The following PLB1 variants were observed in gnomAD, a reference collection of about 807,000 sequenced individuals.
PLB1 encodes the protein phospholipase B1.
In PLB1, 242 loss-of-function variants were observed where a neutral mutation model predicts 227.4. The ratio of observed to expected loss-of-function variants is 1.06; its 90% CI spans 0.96 to 1.18. The LOEUF (loss-of-function observed/expected upper bound fraction) is 1.18. PLB1 is among the 50% of genes most tolerant of loss of function. PLB1 has a pLI of 0.00. For missense variants in PLB1, 1,858 were observed against 1,816.3 expected (o/e 1.02, Z -0.42); for synonymous variants, 757 against 682.2 (o/e 1.11, Z -1.71).
rs1194178379 is a variant in PLB1, at chr2:28,620,929, T to G, written c.3478T>G (p.Trp1160Gly). The G allele has an allele frequency of 6.2e-7, 1 of 1,613,642 alleles. No individual in the cohort carries two copies. The highest frequency in any genetic ancestry group is 1.7e-5 in the Admixed American group (1 of 59,958). ...PYLLGFSTST[W>G]EGTAGLNVAA... The stretch of plus-strand genomic sequence containing the variant: ...CCTCCTTGGCTTCTCTACCAGCACC[T>G]GGGAGGGGACAGCAGGACTAAATGT... The change falls in exon 49 of 58, where the codon TGG (tryptophan) becomes GGG (glycine). Residue 1160 changes from tryptophan to glycine, a missense_variant. Physicochemically the swap from Trp to Gly is radical, Grantham distance 184 (BLOSUM62 -2). Coordinates refer to ENST00000327757, the MANE Select transcript of PLB1 (RefSeq NM_153021.5).
intron 56 of PLB1, among the ~76,000 whole-genome samples, chr2:28,636,533 TC>T (rs1558976710): frequency 6.6e-6 from 1 of 152,120 alleles, no homozygotes; most frequent in Non-Finnish European, 1.5e-5. Flanking sequence ...ACAAAAATAT[TC>T]ACAGCAGCAC....
chr2:28,535,462 C>G (rs1421081288), intron 9 of PLB1, among the ~76,000 whole-genome samples: 1 of 152,256 alleles, frequency 6.6e-6, no homozygotes, highest in Non-Finnish European at 1.5e-5. Context: ...TCTCACAGCC[C>G]AGACCCACAC....
At chr2:28,600,686 T>C (rs992287727) in intron 35 of PLB1, 123 bp from the exon 36 acceptor site, 5 of 856,530 alleles carry the variant, frequency 5.8e-6, no homozygotes, top group Non-Finnish European at 9.4e-6. Context: ...TTTCTGAGCC[T>C]CGGGATCTCT....
At chr2:28,629,516 C>A (rs761531891) in intron 53 of PLB1, among the ~76,000 whole-genome samples, 4 of 152,224 alleles carry the variant, frequency 2.6e-5, no homozygotes, top group African/African-American at 4.8e-5. Flanking sequence ...CATGAGCTTT[C>A]AAGGCTGCTA....
In PLB1 at chr2:28,630,672, C is replaced by T. The variant is rs1321310310; in HGVS notation, c.3897+8C>T. ...GTGAACTGGAACCTCCAGGTAAGCC[C>T]TGCAGCCCTTCTCTTACTGACCCAG... On this transcript the variant is annotated splice_region_variant and intron_variant, in intron 54 of 57. Transcript: ENST00000327757. 1 of 1,607,404 alleles carries T rather than the reference C, an allele frequency of 6.2e-7. No individual in the cohort carries two copies. The highest frequency in any genetic ancestry group is 1.7e-5 in the Admixed American group (1 of 59,198).
At position 28,643,135 on chromosome 2, in the gene PLB1, G is replaced by A. The variant is rs1041669179; in HGVS notation, c.*74G>A. ...CCGCCCTCTGCCCCAGCCACTCCCG[G>A]CCACCAGGACATGCTTCAATGCCTG... On this transcript the variant is annotated 3_prime_UTR_variant, in exon 58 of 58. Coordinates refer to ENST00000327757, the MANE Select transcript of PLB1 (RefSeq NM_153021.5). The A allele has an allele frequency of 2.4e-5, 34 of 1,388,338 alleles. No individual in the cohort carries two copies. Among genetic ancestry groups the A allele is most frequent in the Non-Finnish European group, 3.2e-5 (33 of 1,037,224 alleles). The allele number at this position is 1,388,338 out of a possible 1,614,324, so 86.0% of individuals were successfully genotyped here.
intron 39 of PLB1, among the ~76,000 whole-genome samples, chr2:28,603,681 T>C (rs1009181637): frequency 6.6e-6 from 1 of 152,236 alleles, no homozygotes; most frequent in African/African-American, 2.4e-5. Context: ...TTTGCTCAGC[T>C]GAATAATCGG....
intron 23 of PLB1, 124 bp downstream of exon 23, chr2:28,579,831 C>A: frequency 1.2e-6 from 1 of 804,642 alleles, no homozygotes; most frequent in Non-Finnish European, 2.1e-6. Context: ...TGTCTTGGAT[C>A]CAGCCTGGGA....
chr2:28,619,507 G>A (rs1366272530), intron 46 of PLB1, among the ~76,000 whole-genome samples: 2 of 139,724 alleles, frequency 1.4e-5, no homozygotes, highest in East Asian at 4.5e-4. Context: ...TGTTACTTTT[G>A]TAAATTTCAA....
chr2:28,568,718 A>G (rs1287889407), intron 20 of PLB1, among the ~76,000 whole-genome samples: 4 of 152,224 alleles, frequency 2.6e-5, no homozygotes, highest in Non-Finnish European at 5.9e-5. Context: ...AGATGTGTAC[A>G]AAGCTTAGGG....
intron 9 of PLB1, among the ~76,000 whole-genome samples, chr2:28,534,957 A>G (rs1352542102): frequency 6.6e-6 from 1 of 152,214 alleles, no homozygotes; most frequent in Non-Finnish European, 1.5e-5. Context: ...GGGTTTTAAT[A>G]GGCTCTGCCT....
At chr2:28,585,592 G>C in intron 25 of PLB1, 169 bp from the exon 26 acceptor site, 1 of 607,106 alleles carries the variant, frequency 1.6e-6, no homozygotes, top group Non-Finnish European at 3.0e-6. Context: ...ATCTTCTTTA[G>C]CTTCGTTTGG....
intron 32 of PLB1, 184 bp downstream of exon 32, chr2:28,592,903 G>A (rs1408741825): frequency 1.7e-6 from 1 of 589,688 alleles, no homozygotes; most frequent in Admixed American, 3.4e-5. Context: ...ATATGCAGAG[G>A]AAATCTTTTT....
intron 4 of PLB1, among the ~76,000 whole-genome samples, chr2:28,524,851 T>TA (rs937545910): frequency 1.5e-4 from 22 of 146,646 alleles, no homozygotes; most frequent in East Asian, 1.4e-3. Flanking sequence ...TCTCTTTTTT[T>TA]TTTTTTTTTT....
intron 8 of PLB1, 58 bp from the exon 9 acceptor site, chr2:28,532,047 CATT>C: frequency 2.4e-6 from 3 of 1,265,646 alleles, no homozygotes; most frequent in Admixed American, 1.9e-5. Flanking sequence ...AAAACAAAGA[CATT>C]ATTTTGGTTC....
intron 48 of PLB1, 93 bp downstream of exon 48, chr2:28,620,736 C>T (rs771013497): frequency 2.6e-4 from 411 of 1,574,498 alleles, no homozygotes; most frequent in Middle Eastern, 8.5e-4. Context: ...AGGTTATCTG[C>T]AAGAAGGGAA....
At chr2:28,584,821 A>G (rs576827053) in intron 25 of PLB1, among the ~76,000 whole-genome samples, 4 of 152,334 alleles carry the variant, frequency 2.6e-5, no homozygotes, top group African/African-American at 9.6e-5. Context: ...TCAGAGCTGC[A>G]GATTGGATGG....
At chr2:28,610,401 C>T (rs6732334) in intron 43 of PLB1, among the ~76,000 whole-genome samples, 21,949 of 151,984 alleles carry the variant, frequency 0.14, 2,104 homozygotes, top group African/African-American at 0.27. Flanking sequence ...TCTTCCCACA[C>T]TGGCCTCCCA....
rs748390049 is a variant in PLB1, at chr2:28,552,914, G to A, written c.1084-14G>A. 4.3e-6 allele frequency: 7 copies of A among 1,612,390 alleles called. No individual in the cohort carries two copies. The South Asian group carries it at 7.7e-5, about 18-fold the overall frequency. On this transcript the variant is annotated splice_polypyrimidine_tract_variant and intron_variant, in intron 16 of 57. Transcript: ENST00000327757. ...AAATCCATTTTCCTTATTTCCCTGTGTGTCTCATTTCAGGTAAGAGAAGGA... is the reference window on the plus strand; with the variant it reads ...AAATCCATTTTCCTTATTTCCCTGTATGTCTCATTTCAGGTAAGAGAAGGA...
Sources: allele counts gnomAD v4.1 joint callset (sites outside exome capture counted in the v4.1 genomes callset), GRCh38; gene constraint gnomAD v4.1.1; transcripts MANE v1.5; gene names NCBI Gene and HGNC (gene_info 2026-07-23, HGNC 2026-07-21).